MAP3K13: variants seen among roughly 807,000 people sequenced by gnomAD.
MAP3K13 encodes the protein leucine zipper-bearing kinase.
A neutral mutation model predicts 104.0 loss-of-function variants in MAP3K13; 52 were observed. The ratio of observed to expected loss-of-function variants is 0.50; its 90% CI spans 0.40 to 0.63. The LOEUF (loss-of-function observed/expected upper bound fraction) is 0.63. MAP3K13 is among the 20% of genes least tolerant of loss of function. The probability of loss-of-function intolerance (pLI) is 0.00; values close to 1 mark genes in which losing one functional copy is unlikely to be tolerated. For missense variants in MAP3K13, 914 were observed against 1,218.5 expected (o/e 0.75, Z 3.72); for synonymous variants, 394 against 442.2 (o/e 0.89, Z 1.37).
At chr3:185,454,621 TATGA>T (rs767932364) in intron 7 of MAP3K13, among the ~76,000 whole-genome samples, 1 of 48,680 alleles carries the variant, frequency 2.1e-5, no homozygotes, top group East Asian at 4.4e-4. Flanking sequence ...ATGATATATA[TATGA>T]GATATATATA....
rs866024929 is a variant in MAP3K13 at position 185,346,230 on chromosome 3, A to C, written c.-86+60587A>C. Reference sequence around the variant, plus strand: ...GTTAAAATAGCAGTGAACTTTTCTTATCTTATCAATTTTTGTAACTTTTCC... The same window carrying C: ...GTTAAAATAGCAGTGAACTTTTCTTCTCTTATCAATTTTTGTAACTTTTCC... On this transcript the variant is annotated intron_variant, in intron 2 of 14. Transcript: ENST00000424227. 6.7e-4 allele frequency among the ~76,000 whole-genome samples: 102 copies of C among 152,312 alleles called. No homozygotes were observed. The Middle Eastern group carries it at 0.01, about 15-fold the overall frequency.
chr3:185,408,827 C>T (rs1204778551), intron 1 of MAP3K13, among the ~76,000 whole-genome samples: 2 of 152,124 alleles, frequency 1.3e-5, no homozygotes, highest in East Asian at 3.8e-4. Flanking sequence ...ATATACCAGG[C>T]TTCATTACGA....
At chr3:185,290,984 G>A (rs1577396486) in intron 2 of MAP3K13, among the ~76,000 whole-genome samples, 1 of 152,274 alleles carries the variant, frequency 6.6e-6, no homozygotes, top group East Asian at 1.9e-4. Context: ...TATTTACTGT[G>A]CTGAAATTTC....
chr3:185,379,091 A>T (rs1394149072), intron 1 of MAP3K13, among the ~76,000 whole-genome samples: 3 of 152,160 alleles, frequency 2.0e-5, no homozygotes, highest in Non-Finnish European at 2.9e-5. Flanking sequence ...CAGCAGCCCC[A>T]GGCTGCAGCG....
intron 7 of MAP3K13, among the ~76,000 whole-genome samples, chr3:185,455,546 T>TATATATCATATATATG (rs1450389204): frequency 2.1e-5 from 1 of 47,260 alleles, no homozygotes; most frequent in African/African-American, 5.5e-5. Context: ...ATATATGACA[T>TATATATCATATATATG]ATATATGATA....
intron 8 of MAP3K13, among the ~76,000 whole-genome samples, chr3:185,464,161 G>C (rs2148915434): frequency 6.6e-6 from 1 of 152,256 alleles, no homozygotes; most frequent in Admixed American, 6.5e-5. Flanking sequence ...GGCGCACGAT[G>C]CCTGTGATCC....
Position 185,428,909 on chromosome 3 carries a change from A to G in MAP3K13, c.328A>G (p.Thr110Ala). ...CAGCAACACGGTGGACGGAGAGAGCACAAGCGGAACTGAAGACATAAAGAT... is the reference window on the plus strand; with the variant it reads ...CAGCAACACGGTGGACGGAGAGAGCGCAAGCGGAACTGAAGACATAAAGAT... Reference protein sequence around the residue: ...GNSNTVDGESTSGTEDIKIQF... With the variant: ...GNSNTVDGESASGTEDIKIQF... Residue 110 changes from threonine (T) to alanine (A), a missense_variant, in exon 2 of 14, where the codon ACA (threonine) becomes GCA (alanine). Around this residue, in one of 3 missense-constraint regions of MAP3K13, gnomAD observed 156 missense variants for 159.8 expected, o/e 0.98. Transcript: ENST00000265026. 1 of 1,614,218 alleles carries G rather than the reference A, an allele frequency of 6.2e-7. No individual in the cohort carries two copies. The highest frequency in any genetic ancestry group is 8.5e-7 in the Non-Finnish European group (1 of 1,180,040).
chr3:185,374,856 T>G (rs1577479043), intron 1 of MAP3K13, among the ~76,000 whole-genome samples: 1 of 150,664 alleles, frequency 6.6e-6, no homozygotes, highest in African/African-American at 2.5e-5. Flanking sequence ...TAGGAGAGAG[T>G]GACTGAGATT....
rs1332015635 is a variant in MAP3K13 at position 185,484,397 on chromosome 3, T to C, written c.*1941T>C. ...TCCCTGTCTCCAAGACAGATTACCG[T>C]CAAACAACCTCTCTAGATTCACTGG... On this transcript the variant is annotated 3_prime_UTR_variant, in exon 14 of 14. Transcript: ENST00000265026. 6.6e-6 allele frequency: 1 copy of C among 152,178 alleles called. No individual in the cohort carries two copies. Among genetic ancestry groups the C allele is most frequent in the East Asian group, 1.9e-4 (1 of 5,190 alleles). 9.4% of individuals were successfully genotyped at this position (152,178 alleles called of 1,614,324 possible). A position where few individuals can be genotyped will look rare whatever the true frequency, so the allele number is the denominator to read the frequency against.
In MAP3K13 at chr3:185,463,765, C is replaced by A. The variant is rs1560126460; in HGVS notation, c.1388+106C>A. The A allele has an allele frequency of 2.3e-5, 14 of 620,480 alleles. 1 individual carries two copies. Among genetic ancestry groups the A allele is most frequent in the Middle Eastern group, 2.7e-4 (1 of 3,752 alleles). The allele number at this position is 620,480 out of a possible 1,614,324, so 38.4% of individuals were successfully genotyped here. On this transcript the variant is annotated intron_variant, in intron 8 of 13. Transcript: ENST00000265026. ...TTCACTTTCCACACACCTTTCACCT[C>A]TGCTTTTTATTGTTATGCTCTTTAA...
chr3:185,302,430 T>TG lies in MAP3K13; in HGVS notation c.-86+16787_-86+16788insG, dbSNP rs545815484. Reference sequence around the variant, plus strand: ...TGTCTGAAAAAGTAAATAAATAAATTAACAAATAAATAATATTAAGTCTTC... The same window carrying TG: ...TGTCTGAAAAAGTAAATAAATAAATTGAACAAATAAATAATATTAAGTCTTC... On this transcript the variant is annotated intron_variant, in intron 2 of 14. Transcript: ENST00000424227. 3.7e-3 allele frequency among the ~76,000 whole-genome samples: 555 copies of TG among 152,042 alleles called. 5 individuals are homozygous for TG. Among genetic ancestry groups the TG allele is most frequent in the African/African-American group, 0.013 (536 of 41,440 alleles).
intron 10 of MAP3K13, among the ~76,000 whole-genome samples, chr3:185,467,469 T>C (rs904812814): frequency 6.6e-6 from 1 of 152,180 alleles, no homozygotes; most frequent in African/African-American, 2.4e-5. Context: ...CTCACTGTAT[T>C]AGTCCCTTCT....
chr3:185,462,734 C>T (rs1717182578), intron 7 of MAP3K13, among the ~76,000 whole-genome samples: 4 of 152,202 alleles, frequency 2.6e-5, no homozygotes, highest in Non-Finnish European at 5.9e-5. Context: ...TATCACGCCA[C>T]TGCACTCCAG....
chr3:185,283,474 GGAAT>G lies in MAP3K13; in HGVS notation c.-205+471_-205+474del, dbSNP rs374615945. On this transcript the variant is annotated intron_variant, in intron 1 of 14. Coordinates refer to the MAP3K13 transcript ENST00000424227. ...TAGGCATGCTTTAGATGTTGTCGAA[GGAAT>G]GAATGAATGAATGAATGAATGAACC... Among the ~76,000 whole-genome samples the G allele has an allele frequency of 7.4e-3, 1,121 of 152,112 alleles. 9 individuals carry two copies. Among genetic ancestry groups the G allele is most frequent in the African/African-American group, 0.023 (945 of 41,444 alleles).
At chr3:185,420,608 G>A (rs747079347) in intron 1 of MAP3K13, among the ~76,000 whole-genome samples, 1 of 152,174 alleles carries the variant, frequency 6.6e-6, no homozygotes, top group South Asian at 2.1e-4. Flanking sequence ...AGCTTAGAAA[G>A]AGCTCAGTGT....
chr3:185,454,955 T>TG (rs1716330046), intron 7 of MAP3K13, among the ~76,000 whole-genome samples: 2 of 89,542 alleles, frequency 2.2e-5, no homozygotes, highest in African/African-American at 8.4e-5. Flanking sequence ...ATATATATGA[T>TG]ATATATATGA....
intron 2 of MAP3K13, among the ~76,000 whole-genome samples, chr3:185,357,429 CAA>C (rs536037020): frequency 0.013 from 925 of 71,794 alleles, 14 homozygotes; most frequent in African/African-American, 0.046. Flanking sequence ...GCCTGGGCAA[CAA>C]GAGTGAAACT....
intron 13 of MAP3K13, 81 bp downstream of exon 13, chr3:185,480,610 T>A: frequency 7.1e-7 from 1 of 1,407,024 alleles, no homozygotes; most frequent in South Asian, 1.4e-5. Context: ...CTTTACAATT[T>A]TCATTTAATA....
At chr3:185,465,904 C>A in intron 9 of MAP3K13, 41 bp downstream of exon 9, 1 of 1,403,384 alleles carries the variant, frequency 7.1e-7, no homozygotes, top group South Asian at 1.2e-5. Flanking sequence ...TGATTTGAGT[C>A]TGTCAATCAG....
Sources: gnomAD v4.1 joint callset for allele counts (sites outside exome capture counted in the v4.1 genomes callset) on GRCh38, gnomAD v4.1.1 for gene constraint, gnomAD v4.1.1 regional missense constraint, MANE v1.5 for transcripts, NCBI Gene and HGNC (gene_info 2026-07-23, HGNC 2026-07-21) for gene names.